The following UNC5A variants were observed in gnomAD, a reference collection of about 807,000 sequenced individuals.
UNC5A encodes the protein netrin receptor UNC5A.
A neutral mutation model predicts 87.4 loss-of-function variants in UNC5A; 20 were observed. That is an observed-to-expected ratio of 0.23 (90% CI 0.16 to 0.33). UNC5A has a LOEUF of 0.33. UNC5A is among the 10% of genes least tolerant of loss of function. UNC5A has a pLI of 1.00. For missense variants in UNC5A, 844 were observed against 1,133.4 expected (o/e 0.74, Z 3.67); for synonymous variants, 438 against 482.3 (o/e 0.91, Z 1.20).
In UNC5A at chr5:176,868,172, A is replaced by G; in HGVS notation, c.335A>G (p.Gln112Arg). The G allele has an allele frequency of 6.2e-7, 1 of 1,613,622 alleles. No homozygotes were observed. ...MEVRINVSRQ[Q>R]VEKVFGLEEY... ...GTCCGCATTAATGTCTCAAGGCAGC[A>G]GGTCGAGAAGGTGTTCGGGCTGGAG... Residue 112 changes from glutamine (Q) to arginine (R), a missense_variant, in exon 3 of 15, where the codon CAG (glutamine) becomes CGG (arginine). This residue lies in a region of UNC5A where 314 missense variants were observed against 466.5 expected (regional missense o/e 0.67). Coordinates refer to ENST00000329542, the MANE Select transcript of UNC5A (RefSeq NM_133369.3).
Position 176,869,475 on chromosome 5 carries a change from C to T in UNC5A, c.721+511C>T. On this transcript the variant is annotated intron_variant, in intron 5 of 14. Coordinates refer to ENST00000329542, the MANE Select transcript of UNC5A (RefSeq NM_133369.3). The surrounding 1 kb of genome is among the most constrained non-coding windows in gnomAD (Gnocchi z 9.1). Reference sequence around the variant, plus strand: ...GCCAGCAGGCACGAGCATGGCCTCCCCCAGGCCTTCTCTCCCAGCTCAGCC... The same window carrying T: ...GCCAGCAGGCACGAGCATGGCCTCCTCCAGGCCTTCTCTCCCAGCTCAGCC... 1.7e-6 allele frequency: 1 copy of T among 586,904 alleles called. No homozygotes were observed. The highest frequency in any genetic ancestry group is 2.9e-5 in the East Asian group (1 of 34,028). The allele number at this position is 586,904 out of a possible 1,614,324, so 36.4% of individuals were successfully genotyped here. A position where few individuals can be genotyped will look rare whatever the true frequency, so the allele number is the denominator to read the frequency against.
At chr5:176,814,252 A>G (rs1350712310) in intron 1 of UNC5A, among the ~76,000 whole-genome samples, 1 of 152,114 alleles carries the variant, frequency 6.6e-6, no homozygotes, top group Admixed American at 6.5e-5. Flanking sequence ...CTGCAGGTCA[A>G]CCCAAACCTT....
intron 1 of UNC5A, among the ~76,000 whole-genome samples, chr5:176,828,364 A>G (rs1756905801): frequency 6.6e-6 from 1 of 151,882 alleles, no homozygotes; most frequent in African/African-American, 2.4e-5. Context: ...GTGTGATGTC[A>G]CTCATGGCAT....
intron 1 of UNC5A, among the ~76,000 whole-genome samples, chr5:176,842,796 C>T (rs1757307548): frequency 6.6e-6 from 1 of 152,174 alleles, no homozygotes; most frequent in Non-Finnish European, 1.5e-5. Flanking sequence ...TCACAGATCA[C>T]CTCTAAAGAA....
chr5:176,824,970 T>G lies in UNC5A; in HGVS notation c.70+14150T>G, dbSNP rs952007047. 2.6e-5 allele frequency among the ~76,000 whole-genome samples: 4 copies of G among 152,188 alleles called. No homozygotes were observed. Among genetic ancestry groups the G allele is most frequent in the African/African-American group, 4.8e-5 (2 of 41,454 alleles). ...CCCTGTGCACAGTGCTTGGTGGGTG[T>G]CAGGTACTGAGGCCATGGGCAGGGC... On this transcript the variant is annotated intron_variant, in intron 1 of 14. Transcript: ENST00000329542. This position sits in a 1 kb window ranked among gnomAD's most constrained non-coding sequence, Gnocchi z 4.2.
In UNC5A at chr5:176,873,192, C is replaced by G. The variant is rs1183431153; in HGVS notation, c.887-776C>G. 2.0e-5 allele frequency among the ~76,000 whole-genome samples: 3 copies of G among 151,616 alleles called. No homozygotes were observed. The South Asian group carries it at 6.2e-4, about 32-fold the overall frequency. ...CACCACAGCTTCCCATCTGCCCACA[C>G]TCGCCCAACACCACAGCTTCCCATC... On this transcript the variant is annotated intron_variant, in intron 6 of 14. Coordinates refer to ENST00000329542, the MANE Select transcript of UNC5A (RefSeq NM_133369.3).
intron 1 of UNC5A, among the ~76,000 whole-genome samples, chr5:176,845,080 A>G (rs1757370883): frequency 6.6e-6 from 1 of 152,184 alleles, no homozygotes; most frequent in Non-Finnish European, 1.5e-5. Context: ...TGACAGAGGC[A>G]TCTTCTGCTC....
At chr5:176,843,267 G>A (rs1230269242) in intron 1 of UNC5A, among the ~76,000 whole-genome samples, 1 of 152,182 alleles carries the variant, frequency 6.6e-6, no homozygotes, top group East Asian at 1.9e-4. Flanking sequence ...GCGTCCACAC[G>A]GTGGGGCACT....
At chr5:176,827,051 A>G (rs73340069) in intron 1 of UNC5A, among the ~76,000 whole-genome samples, 6,032 of 151,936 alleles carry the variant, frequency 0.04, 330 homozygotes, top group African/African-American at 0.12. Context: ...GGACTTGTCT[A>G]TTATGATATT....
chr5:176,872,143 G>A (rs76705086), intron 6 of UNC5A, among the ~76,000 whole-genome samples: 21 of 62,688 alleles, frequency 3.3e-4, no homozygotes, highest in African/African-American at 9.3e-4. Flanking sequence ...GCCCACACTC[G>A]CCCCACACCA....
chr5:176,854,622 A>G (rs1043845743), intron 1 of UNC5A, among the ~76,000 whole-genome samples: 1 of 152,156 alleles, frequency 6.6e-6, no homozygotes, highest in Admixed American at 6.5e-5. Flanking sequence ...TCATTGGTTG[A>G]TTGGAAGGTA....
At chr5:176,872,176 CG>C (rs1479263440) in intron 6 of UNC5A, among the ~76,000 whole-genome samples, 2 of 91,738 alleles carry the variant, frequency 2.2e-5, no homozygotes. Context: ...TGCCCACACT[CG>C]CCCCACACCA....
At chr5:176,850,094 C>T (rs573910648) in intron 1 of UNC5A, among the ~76,000 whole-genome samples, 1 of 152,250 alleles carries the variant, frequency 6.6e-6, no homozygotes. Flanking sequence ...GCAAGCCATG[C>T]AGCCCCACGT....
intron 1 of UNC5A, among the ~76,000 whole-genome samples, chr5:176,853,319 G>A (rs914157381): frequency 2.0e-5 from 3 of 152,358 alleles, no homozygotes; most frequent in East Asian, 1.9e-4. Flanking sequence ...TGGCCGGGGC[G>A]GAGGACAGGC....
At chr5:176,826,958 A>G (rs146333949) in intron 1 of UNC5A, among the ~76,000 whole-genome samples, 87 of 151,950 alleles carry the variant, frequency 5.7e-4, no homozygotes, top group Middle Eastern at 6.8e-3. Context: ...TCATCAGAAC[A>G]AAGGAGACCC....
At chr5:176,850,875 T>C (rs566921058) in intron 1 of UNC5A, among the ~76,000 whole-genome samples, 17 of 151,578 alleles carry the variant, frequency 1.1e-4, no homozygotes, top group Non-Finnish European at 1.5e-4. Context: ...TGCCCACAAA[T>C]GCTAATGGAC....
At chr5:176,829,231 AGATG>A (rs201421794) in intron 1 of UNC5A, among the ~76,000 whole-genome samples, 41 of 91,460 alleles carry the variant, frequency 4.5e-4, no homozygotes, top group Admixed American at 2.3e-3. Flanking sequence ...GATGTATGAA[AGATG>A]GATGGATGGA....
intron 1 of UNC5A, among the ~76,000 whole-genome samples, chr5:176,831,947 A>G (rs1581249922): frequency 7.9e-6 from 1 of 126,076 alleles, no homozygotes; most frequent in Non-Finnish European, 1.6e-5. Flanking sequence ...CCCAGGCTGG[A>G]GTGCTGTGGT....
chr5:176,859,074 C>A (rs867648642), intron 1 of UNC5A, among the ~76,000 whole-genome samples: 2 of 150,508 alleles, frequency 1.3e-5, no homozygotes, highest in East Asian at 1.9e-4. Flanking sequence ...CCCACCCATG[C>A]CCTTGCTAGA....
Sources: gnomAD v4.1 joint callset for allele counts (sites outside exome capture counted in the v4.1 genomes callset) on GRCh38, gnomAD v4.1.1 for gene constraint, gnomAD v4.1.1 regional missense constraint, Gnocchi (gnomAD v3.1) non-coding constraint, MANE v1.5 for transcripts, NCBI Gene and HGNC (gene_info 2026-07-23, HGNC 2026-07-21) for gene names.